CDYL: variants seen among roughly 807,000 people sequenced by gnomAD.
CDYL encodes chromodomain Y-like protein.
In CDYL, 8 loss-of-function variants were observed where a neutral mutation model predicts 47.3. The ratio of observed to expected loss-of-function variants is 0.17; its 90% CI spans 0.10 to 0.31. CDYL has a LOEUF of 0.31. CDYL is among the 10% of genes least tolerant of loss of function. The pLI is 1.00. For missense variants in CDYL, 471 were observed against 701.4 expected (o/e 0.67, Z 3.71); for synonymous variants, 266 against 265.0 (o/e 1.00, Z -0.04).
chr6:4,859,526 C>T (rs537697240), intron 1 of CDYL, among the ~76,000 whole-genome samples: 3 of 152,250 alleles, frequency 2.0e-5, no homozygotes, highest in East Asian at 3.9e-4. Flanking sequence ...AAGGAAAGCA[C>T]AATTTAAGGG....
At chr6:4,856,300 C>T (rs977923009) in intron 1 of CDYL, among the ~76,000 whole-genome samples, 2 of 152,114 alleles carry the variant, frequency 1.3e-5, no homozygotes, top group African/African-American at 2.4e-5. Flanking sequence ...TAGCTTGGAT[C>T]GCTGGGTTGT....
chr6:4,860,767 T>C (rs561592206), intron 1 of CDYL, among the ~76,000 whole-genome samples: 139 of 151,978 alleles, frequency 9.1e-4, no homozygotes, highest in African/African-American at 3.0e-3. Context: ...ACTGAAGAAC[T>C]TGGAGTCCGA....
At position 4,934,780 on chromosome 6, in the gene CDYL, A is replaced by G. The variant is rs182975815; in HGVS notation, c.692-735A>G. Among the ~76,000 whole-genome samples, 417 of 151,506 alleles carry G rather than the reference A, an allele frequency of 2.8e-3. 2 individuals are homozygous for G. Among genetic ancestry groups the G allele is most frequent in the African/African-American group, 7.4e-3 (306 of 41,502 alleles). On this transcript the variant is annotated intron_variant, in intron 2 of 6. Transcript: ENST00000397588. ...AGTTTGAGACCAGCCTGAGCAACATAGCAAGACCCCATCTCAAGACCCTGG... is the reference window on the plus strand; with the variant it reads ...AGTTTGAGACCAGCCTGAGCAACATGGCAAGACCCCATCTCAAGACCCTGG...
chr6:4,819,692 T>C (rs1759779567), intron 1 of CDYL, among the ~76,000 whole-genome samples: 1 of 152,108 alleles, frequency 6.6e-6, no homozygotes, highest in African/African-American at 2.4e-5. Context: ...TTTATGACAG[T>C]GGTTTTCAGA....
chr6:4,931,978 A>G (rs1581274200), intron 2 of CDYL, among the ~76,000 whole-genome samples: 1 of 152,234 alleles, frequency 6.6e-6, no homozygotes, highest in African/African-American at 2.4e-5. Context: ...CATGGGCTCC[A>G]TGGCCTAGAA....
chr6:4,954,122 C>A lies in CDYL; in HGVS notation c.*66C>A. The A allele has an allele frequency of 6.6e-7, 1 of 1,518,338 alleles. No homozygotes were observed. The allele number at this position is 1,518,338 out of a possible 1,614,324, so 94.1% of individuals were successfully genotyped here. On this transcript the variant is annotated 3_prime_UTR_variant, in exon 7 of 7. Coordinates refer to ENST00000397588, the MANE Select transcript of CDYL (RefSeq NM_004824.4). ...CAGGAGAACATCACCGGCTCCAGTT[C>A]CCCTGATCCATTCTCACAGCCTGAA... is the stretch of plus-strand genomic sequence containing the variant.
intron 3 of CDYL, among the ~76,000 whole-genome samples, chr6:4,758,570 C>T (rs899961730): frequency 4.7e-5 from 7 of 149,322 alleles, no homozygotes; most frequent in Admixed American, 2.7e-4. Flanking sequence ...GGCTGAGGCA[C>T]GAGAATCGCT....
At chr6:4,734,132 G>A (rs932632754) in intron 2 of CDYL, among the ~76,000 whole-genome samples, 4 of 150,908 alleles carry the variant, frequency 2.7e-5, no homozygotes, top group Admixed American at 2.0e-4. Flanking sequence ...GAGCCACCAC[G>A]CCCAGCCCTC....
At chr6:4,714,537 C>G (rs1174670049) in intron 1 of CDYL, 1 of 152,280 alleles carries the variant, frequency 6.6e-6, no homozygotes, top group Non-Finnish European at 1.5e-5. Context: ...CCAAAGAGCA[C>G]CTGGGCCCCC....
intron 2 of CDYL, chr6:4,724,686 T>G (rs932339575): frequency 6.6e-6 from 1 of 152,162 alleles, no homozygotes; most frequent in East Asian, 1.9e-4. Flanking sequence ...CAGCTCTTAA[T>G]GCAGCGCGTC....
chr6:4,926,600 T>A (rs2127513369), intron 2 of CDYL, among the ~76,000 whole-genome samples: 1 of 152,358 alleles, frequency 6.6e-6, no homozygotes, highest in East Asian at 1.9e-4. Flanking sequence ...GACATTTTTG[T>A]CTGGATTTTG....
chr6:4,771,496 G>A (rs1417030854), upstream of CDYL, among the ~76,000 whole-genome samples: 1 of 152,116 alleles, frequency 6.6e-6, no homozygotes, highest in Non-Finnish European at 1.5e-5. Context: ...TTCTACACTA[G>A]ACAATACTAG....
chr6:4,804,348 A>G (rs760976710), intron 1 of CDYL, among the ~76,000 whole-genome samples: 1 of 152,216 alleles, frequency 6.6e-6, no homozygotes, highest in Non-Finnish European at 1.5e-5. Context: ...CCTAGCTCCT[A>G]GGCTCCCCAC....
At chr6:4,949,113 G>A (rs1758617676) in intron 5 of CDYL, among the ~76,000 whole-genome samples, 1 of 152,250 alleles carries the variant, frequency 6.6e-6, no homozygotes, top group Non-Finnish European at 1.5e-5. Context: ...TCCGCTGTAG[G>A]CGAGGGCTAC....
chr6:4,868,971 T>C (rs1761398849), intron 1 of CDYL, among the ~76,000 whole-genome samples: 1 of 152,212 alleles, frequency 6.6e-6, no homozygotes, highest in Non-Finnish European at 1.5e-5. Flanking sequence ...CTTATGGTTA[T>C]TGTTTTCATG....
At chr6:4,838,718 CCT>C (rs923844967) in intron 1 of CDYL, among the ~76,000 whole-genome samples, 1 of 151,778 alleles carries the variant, frequency 6.6e-6, no homozygotes, top group African/African-American at 2.4e-5. Context: ...ACAGAGTCTC[CCT>C]CTGTCACCCA....
chr6:4,861,044 A>G (rs1483191811), intron 1 of CDYL, among the ~76,000 whole-genome samples: 1 of 152,270 alleles, frequency 6.6e-6, no homozygotes, highest in African/African-American at 2.4e-5. Flanking sequence ...CATCACATCA[A>G]TAATCAAGAC....
chr6:4,775,011 G>A (rs1401647214), upstream of CDYL, among the ~76,000 whole-genome samples: 3 of 152,186 alleles, frequency 2.0e-5, no homozygotes, highest in African/African-American at 7.2e-5. The surrounding 1 kb of genome is among the most constrained non-coding windows in gnomAD (Gnocchi z 7.0). Flanking sequence ...GGAAACCGCG[G>A]GGTCTGTGAG....
At chr6:4,842,997 T>A (rs553845188) in intron 1 of CDYL, among the ~76,000 whole-genome samples, 79 of 152,334 alleles carry the variant, frequency 5.2e-4, no homozygotes, top group African/African-American at 1.7e-3. Flanking sequence ...TAGCGCTGGC[T>A]TGGTATTGGC....
Sources: allele counts gnomAD v4.1 joint callset (sites outside exome capture counted in the v4.1 genomes callset), GRCh38; gene constraint gnomAD v4.1.1; non-coding constraint Gnocchi (gnomAD v3.1); transcripts MANE v1.5; gene names NCBI Gene and HGNC (gene_info 2026-07-23, HGNC 2026-07-21).